The following MECOM variants were observed in gnomAD, a reference collection of about 807,000 sequenced individuals.
MECOM encodes histone-lysine N-methyltransferase MECOM.
In MECOM, 13 loss-of-function variants were observed where a neutral mutation model predicts 116.3. The ratio of observed to expected loss-of-function variants is 0.11; its 90% CI spans 0.07 to 0.18. MECOM has a LOEUF of 0.18. MECOM is among the 10% of genes least tolerant of loss of function. MECOM has a pLI of 1.00. For missense variants in MECOM, 1,299 were observed against 1,509.0 expected (o/e 0.86, Z 2.31); for synonymous variants, 528 against 535.2 (o/e 0.99, Z 0.19).
chr3:169,642,806 A>C (rs1410195297), intron 1 of MECOM, among the ~76,000 whole-genome samples: 1 of 152,176 alleles, frequency 6.6e-6, no homozygotes, highest in African/African-American at 2.4e-5. Flanking sequence ...TATCAAAAAA[A>C]AAAAATCAGT....
intron 2 of MECOM, among the ~76,000 whole-genome samples, chr3:169,249,070 A>G (rs1482344202): frequency 1.3e-5 from 2 of 152,132 alleles, no homozygotes; most frequent in Non-Finnish European, 2.9e-5. Flanking sequence ...AGTATATTGT[A>G]TTTATTTACA....
At chr3:169,197,276 C>T (rs1187215840) in intron 2 of MECOM, among the ~76,000 whole-genome samples, 1 of 151,408 alleles carries the variant, frequency 6.6e-6, no homozygotes, top group African/African-American at 2.4e-5. Context: ...CACAATTTAC[C>T]TGTATAACAA....
At position 169,411,197 on chromosome 3, in the gene MECOM, C is replaced by G. The variant is rs561408242; in HGVS notation, c.38-29673G>C. Among the ~76,000 whole-genome samples, 3 of 151,958 alleles carry G rather than the reference C, an allele frequency of 2.0e-5. No homozygotes were observed. In the South Asian group the frequency reaches 6.3e-4, roughly 32 times the overall value. On this transcript the variant is annotated intron_variant, in intron 1 of 16. Transcript: ENST00000651503. Reference sequence around the variant, plus strand: ...CTTTAGTAAGAGAAACTGAGCCTTTCAATTTTCATTTTCCAAATGACACTA... The same window carrying G: ...CTTTAGTAAGAGAAACTGAGCCTTTGAATTTTCATTTTCCAAATGACACTA...
chr3:169,149,279 C>T (rs552707636), intron 2 of MECOM, among the ~76,000 whole-genome samples: 1 of 152,122 alleles, frequency 6.6e-6, no homozygotes, highest in South Asian at 2.1e-4. Flanking sequence ...CCTGCGGCCC[C>T]CACCTCCTTG....
intron 5 of MECOM, among the ~76,000 whole-genome samples, chr3:169,127,041 AT>A (rs1733098846): frequency 6.6e-6 from 1 of 152,142 alleles, no homozygotes; most frequent in South Asian, 2.1e-4. Context: ...TATTAAAATT[AT>A]TTGTGGACCA....
chr3:169,528,201 T>A (rs1758180451), intron 1 of MECOM, among the ~76,000 whole-genome samples: 1 of 152,202 alleles, frequency 6.6e-6, no homozygotes, highest in African/African-American at 2.4e-5. Flanking sequence ...TCAGAATCAC[T>A]TCCATTTCAG....
intron 12 of MECOM, among the ~76,000 whole-genome samples, chr3:169,097,796 G>C (rs562788632): frequency 3.7e-5 from 4 of 109,266 alleles, no homozygotes; most frequent in East Asian, 3.2e-4. Flanking sequence ...CTGAGCAACA[G>C]AGTGAGACCT....
intron 1 of MECOM, among the ~76,000 whole-genome samples, chr3:169,501,263 T>C (rs138090758): frequency 1.1e-3 from 160 of 152,178 alleles, no homozygotes; most frequent in Non-Finnish European, 1.8e-3. Flanking sequence ...CTCTGTATAA[T>C]GTAATGAACA....
At chr3:169,582,145 A>T (rs1301248367) in intron 1 of MECOM, among the ~76,000 whole-genome samples, 1 of 152,132 alleles carries the variant, frequency 6.6e-6, no homozygotes, top group Non-Finnish European at 1.5e-5. Context: ...TGTGTAGGAT[A>T]ATGCATAATA....
At chr3:169,636,124 A>T (rs2109998783) in intron 1 of MECOM, among the ~76,000 whole-genome samples, 1 of 152,320 alleles carries the variant, frequency 6.6e-6, no homozygotes, top group Middle Eastern at 3.4e-3. Context: ...ATAATGTAGG[A>T]TGAGGACAGA....
chr3:169,098,115 C>T (rs1335277703), intron 12 of MECOM, among the ~76,000 whole-genome samples: 1 of 152,172 alleles, frequency 6.6e-6, no homozygotes, highest in Admixed American at 6.5e-5. Flanking sequence ...CCCTTCACCT[C>T]AGTTCCTCCA....
At chr3:169,114,765 T>C (rs1361928919) in intron 8 of MECOM, among the ~76,000 whole-genome samples, 2 of 152,206 alleles carry the variant, frequency 1.3e-5, no homozygotes, top group Non-Finnish European at 2.9e-5. Flanking sequence ...ACTTGTATGT[T>C]TCACCCCAAG....
intron 1 of MECOM, among the ~76,000 whole-genome samples, chr3:169,614,093 TTTC>T (rs1769653447): frequency 7.1e-6 from 1 of 140,640 alleles, no homozygotes; most frequent in African/African-American, 2.6e-5. Context: ...TCTCCTCTCT[TTTC>T]TTTTCTTTTT....
chr3:169,143,903 A>G, intron 2 of MECOM, 71 bp from the exon 3 acceptor site: 2 of 1,444,820 alleles, frequency 1.4e-6, no homozygotes, highest in Non-Finnish European at 1.8e-6. Flanking sequence ...GTTGTTTGAA[A>G]ATATTTCATT....
Position 169,378,495 on chromosome 3 carries a change from AAG to A in MECOM, c.375+2690_375+2691del, listed in dbSNP as rs1453457258. ...CAAGCAAGAAAGAGAGAGAGAAAGA[AAG>A]AAAGAAAGAAAGAAAGAAAAGAAAG... On this transcript the variant is annotated intron_variant, in intron 2 of 16. Transcript: ENST00000651503. Among the ~76,000 whole-genome samples the A allele has an allele frequency of 5.3e-3, 180 of 34,172 alleles. 27 individuals carry two copies. The highest frequency in any genetic ancestry group is 0.045 in the African/African-American group (166 of 3,708). The allele number at this position is 34,172 out of a possible 152,430, so 22.4% of individuals were successfully genotyped here. A position where few individuals can be genotyped will look rare whatever the true frequency, so the allele number is the denominator to read the frequency against.
intron 1 of MECOM, among the ~76,000 whole-genome samples, chr3:169,506,951 T>C (rs1755311316): frequency 6.6e-6 from 1 of 152,230 alleles, no homozygotes; most frequent in African/African-American, 2.4e-5. Context: ...AATTCACATG[T>C]TCTTCCACTT....
intron 1 of MECOM, among the ~76,000 whole-genome samples, chr3:169,576,409 A>G (rs1255014303): frequency 6.6e-6 from 1 of 152,172 alleles, no homozygotes; most frequent in Non-Finnish European, 1.5e-5. Flanking sequence ...ATAGTTCAAG[A>G]TGAAATGCAC....
chr3:169,475,175 T>A (rs1426929846), intron 1 of MECOM, among the ~76,000 whole-genome samples: 1 of 152,198 alleles, frequency 6.6e-6, no homozygotes, highest in South Asian at 2.1e-4. Context: ...ACATAGCATA[T>A]AATTCTATAG....
chr3:169,090,880 C>T (rs976850168), intron 14 of MECOM, among the ~76,000 whole-genome samples: 1 of 151,884 alleles, frequency 6.6e-6, no homozygotes, highest in Non-Finnish European at 1.5e-5. Flanking sequence ...CAGGAAAACG[C>T]CAGGGTGGAA....
Sources: allele counts gnomAD v4.1 joint callset (sites outside exome capture counted in the v4.1 genomes callset), GRCh38; gene constraint gnomAD v4.1.1; transcripts MANE v1.5; gene names NCBI Gene and HGNC (gene_info 2026-07-23, HGNC 2026-07-21).